The following GEMIN5 variants were observed in gnomAD, a reference collection of about 807,000 sequenced individuals.
The protein encoded by GEMIN5 is gem-associated protein 5.
A neutral mutation model predicts 176.9 loss-of-function variants in GEMIN5; 124 were observed. That is an observed-to-expected ratio of 0.70 (90% CI 0.61 to 0.81). GEMIN5 has a LOEUF of 0.81. Among genes scored for constraint, GEMIN5 ranks in the 40% least tolerant of loss-of-function variants. The probability of loss-of-function intolerance (pLI) is 0.00; values close to 1 mark genes in which losing one functional copy is unlikely to be tolerated. For missense variants in GEMIN5, 1,843 were observed against 1,814.6 expected, an observed-to-expected ratio of 1.02 and a Z score of -0.28; for synonymous variants, 673 against 665.2, an observed-to-expected ratio of 1.01 and a Z score of -0.18.
intron 16 of GEMIN5, among the ~76,000 whole-genome samples, chr5:154,907,320 C>T (rs970396427): frequency 2.6e-5 from 4 of 152,192 alleles, no homozygotes; most frequent in Admixed American, 2.6e-4. Flanking sequence ...CCCAGCTTCG[C>T]TTCGTCCCAC....
At chr5:154,906,938 T>TG (rs1181412772) in intron 16 of GEMIN5, among the ~76,000 whole-genome samples, 1 of 152,202 alleles carries the variant, frequency 6.6e-6, no homozygotes, top group Non-Finnish European at 1.5e-5. Flanking sequence ...GGACCAGATA[T>TG]TTATCACTTG....
At chr5:154,913,756 G>A (rs1763754258) in intron 13 of GEMIN5, among the ~76,000 whole-genome samples, 1 of 152,162 alleles carries the variant, frequency 6.6e-6, no homozygotes, top group East Asian at 1.9e-4. Context: ...GGCAGAGGTT[G>A]TAGTGAGCTG....
chr5:154,937,964 TTAC>T lies in GEMIN5; in HGVS notation c.166+1_166+3del. On this transcript the variant is annotated splice_donor_variant and splice_donor_region_variant and intron_variant, in intron 1 of 27. Coordinates refer to ENST00000285873, the MANE Select transcript of GEMIN5 (RefSeq NM_015465.5). LOFTEE classifies it high-confidence loss of function. ...AAGTCTCGGGCCCAAGGGTGGTGAG[TTAC>T]CTCGAAACGGGGGTGTCCCTGGACT... 6.4e-7 allele frequency: 1 copy of T among 1,570,994 alleles called. No homozygotes were observed. The highest frequency in any genetic ancestry group is 2.5e-5 in the East Asian group (1 of 39,404).
At chr5:154,921,565 C>T (rs370044285) in intron 9 of GEMIN5, 140 bp from the exon 10 acceptor site, 249 of 582,722 alleles carry the variant, frequency 4.3e-4, no homozygotes, top group African/African-American at 4.1e-3. Context: ...CAATATCTTG[C>T]TCCAAATAGT....
chr5:154,902,670 C>A lies in GEMIN5; in HGVS notation c.2735G>T (p.Gly912Val), dbSNP rs558986550. 2 of 1,613,816 alleles carry A rather than the reference C, an allele frequency of 1.2e-6. No individual in the cohort carries two copies. Among genetic ancestry groups the A allele is most frequent in the African/African-American group, 1.3e-5 (1 of 75,036 alleles). The change falls in exon 20 of 28, where the codon GGT (glycine) becomes GTT (valine). Residue 912 changes from glycine to valine, a missense_variant. Gly to Val is a moderately radical substitution (Grantham distance 109). Transcript: ENST00000285873. ...LYRMIDIEGK[G>V]HLENGHPELF... ...CTCAGGGTGGCCATTTTCTAAGTGA[C>A]CTTTTCCTGTTTGAAAGAGAGATAA...
chr5:154,904,438 A>G, intron 18 of GEMIN5, 69 bp downstream of exon 18: 1 of 1,315,212 alleles, frequency 7.6e-7, no homozygotes, highest in Non-Finnish European at 1.1e-6. Context: ...CATTTAATAA[A>G]TAAGTAAACA....
Position 154,924,496 on chromosome 5 carries a change from A to G in GEMIN5, c.1352T>C (p.Val451Ala), listed in dbSNP as rs777505082. Reference protein sequence around the residue: ...CLAFGTDDGKVGLYDTYSNKP... With the variant: ...CLAFGTDDGKAGLYDTYSNKP... ...GTTGGAGTAGGTGTCATACAATCCC[A>G]CTTTTCCATCATCAGTTCCAAAAGC... is the stretch of plus-strand genomic sequence containing the variant. Residue 451 changes from valine to alanine, a missense_variant, in exon 9 of 28, where the codon GTG becomes GCG. Val to Ala is a moderately conservative substitution (Grantham distance 64). Coordinates refer to ENST00000285873, the MANE Select transcript of GEMIN5 (RefSeq NM_015465.5). 2 of 1,611,500 alleles carry G rather than the reference A, an allele frequency of 1.2e-6. No individual in the cohort carries two copies. The highest frequency in any genetic ancestry group is 1.7e-6 in the Non-Finnish European group (2 of 1,177,688).
intron 9 of GEMIN5, among the ~76,000 whole-genome samples, chr5:154,923,095 T>C (rs1055175604): frequency 2.0e-5 from 3 of 152,098 alleles, no homozygotes. Context: ...AAAGGACAGC[T>C]CTGGCCGGGC....
chr5:154,888,944 G>A (rs1405175209), intron 27 of GEMIN5, among the ~76,000 whole-genome samples: 2 of 151,462 alleles, frequency 1.3e-5, no homozygotes, highest in Admixed American at 6.6e-5. Context: ...TGCAAGCTCC[G>A]CCTCCTGAGT....
intron 13 of GEMIN5, among the ~76,000 whole-genome samples, chr5:154,914,274 G>A (rs1475757619): frequency 1.3e-5 from 2 of 152,104 alleles, no homozygotes; most frequent in African/African-American, 2.4e-5. Flanking sequence ...GCCCACCTTG[G>A]CCTCCCAAAG....
chr5:154,921,872 A>C (rs571558746), intron 9 of GEMIN5, among the ~76,000 whole-genome samples: 1 of 152,238 alleles, frequency 6.6e-6, no homozygotes, highest in Non-Finnish European at 1.5e-5. Flanking sequence ...TGTCTTTTAA[A>C]GAAGGCGTAC....
rs1468888664 is a variant in GEMIN5 at position 154,906,178 on chromosome 5, C to CA, written c.2396-703dup. On this transcript the variant is annotated intron_variant, in intron 16 of 27. Transcript: ENST00000285873. ...ATCTTGGTAATTTTTATATTTTTTG[C>CA]AAAGATGGGGGTTCCCTATGTTGCT... 9.2e-5 allele frequency among the ~76,000 whole-genome samples: 14 copies of CA among 151,942 alleles called. No individual in the cohort carries two copies. In the East Asian group the frequency reaches 2.7e-3, roughly 30 times the overall value.
intron 26 of GEMIN5, among the ~76,000 whole-genome samples, chr5:154,890,614 C>T (rs114154734): frequency 0.012 from 1,840 of 152,032 alleles, 38 homozygotes; most frequent in African/African-American, 0.043. Flanking sequence ...CAAGTGCATG[C>T]CACCACTACT....
intron 7 of GEMIN5, 82 bp from the exon 8 acceptor site, chr5:154,926,156 G>T (rs1764026211): frequency 5.9e-6 from 5 of 846,678 alleles, no homozygotes; most frequent in Non-Finnish European, 7.8e-6. Context: ...AAATGGGATA[G>T]GCTCAAAGAC....
rs375476320 is a variant in GEMIN5 at position 154,907,594 on chromosome 5, C to A, written c.2392G>T (p.Ala798Ser). 3.1e-6 allele frequency: 5 copies of A among 1,612,074 alleles called. No individual in the cohort carries two copies. In the African/African-American group the frequency reaches 4.0e-5, roughly 13 times the overall value. Residue 798 changes from alanine to serine, a missense_variant, in exon 16 of 28, where the codon GCG (alanine) becomes TCG (serine). Transcript: ENST00000285873. ...EPELPCGLAP[A>S]VSREPVICTP... ...TACACAGGATTCTGCCACATACCCG[C>A]TGGAGCAAGGCCACAGGGTAATTCC...
In GEMIN5 at chr5:154,888,351, C is replaced by T. The variant is rs779123799; in HGVS notation, c.4386G>A (p.Glu1462=). ...TGATGAGAAGCAGGACGAGGCAGCA[C>T]TCCAGCACATCTGGGAAGGGCCAGG... The part of the protein sequence containing the change: ...IKAWPFPDVL[E]CCLVLLLIRS... The change falls in exon 28 of 28, where the codon GAG becomes GAA. Residue 1462 remains glutamate, a synonymous_variant. Coordinates refer to ENST00000285873, the MANE Select transcript of GEMIN5 (RefSeq NM_015465.5). The T allele has an allele frequency of 6.2e-7, 1 of 1,614,078 alleles. No homozygotes were observed. The highest frequency in any genetic ancestry group is 1.1e-5 in the South Asian group (1 of 91,072).
rs376404828 is a variant in GEMIN5, at chr5:154,889,168, G to A, written c.4359+153C>T. Among the ~76,000 whole-genome samples, 6 of 144,024 alleles carry A rather than the reference G, an allele frequency of 4.2e-5. 1 individual carries two copies. Among genetic ancestry groups the A allele is most frequent in the East Asian group, 3.9e-4 (2 of 5,188 alleles). The allele number at this position is 144,024 out of a possible 152,430, so 94.5% of individuals were successfully genotyped here. On this transcript the variant is annotated intron_variant, in intron 27 of 27. Coordinates refer to ENST00000285873, the MANE Select transcript of GEMIN5 (RefSeq NM_015465.5). The stretch of plus-strand genomic sequence containing the variant: ...TGGGATTACAGGCGTGAGCCACCAC[G>A]CCCAGCCTGGATTCTAAATTCTTAA...
chr5:154,898,528 G>A lies in GEMIN5; in HGVS notation c.3257C>T (p.Ser1086Phe). 1 of 1,614,172 alleles carries A rather than the reference G, an allele frequency of 6.2e-7. No homozygotes were observed. Among genetic ancestry groups the A allele is most frequent in the Non-Finnish European group, 8.5e-7 (1 of 1,180,024 alleles). Residue 1086 changes from serine to phenylalanine, a missense_variant, in exon 23 of 28, where the codon TCC becomes TTC. Transcript: ENST00000285873. Reference protein sequence around the residue: ...AIVGEDELSASLALRCAQELL... With the variant: ...AIVGEDELSAFLALRCAQELL... Reference sequence around the variant, plus strand: ...CTCTTGGGCACATCTGAGAGCCAGGGAAGCAGACAACTCATCCTCTCCTAC... The same window carrying A: ...CTCTTGGGCACATCTGAGAGCCAGGAAAGCAGACAACTCATCCTCTCCTAC...
At chr5:154,913,166 T>C in intron 13 of GEMIN5, 128 bp from the exon 14 acceptor site, 3 of 759,712 alleles carry the variant, frequency 3.9e-6, no homozygotes, top group Non-Finnish European at 6.1e-6. Flanking sequence ...GTTATTTTTT[T>C]TTTGAGATGG....
Sources: allele counts gnomAD v4.1 joint callset (sites outside exome capture counted in the v4.1 genomes callset), GRCh38; gene constraint gnomAD v4.1.1; transcripts MANE v1.5; gene names NCBI Gene and HGNC (gene_info 2026-07-23, HGNC 2026-07-21).